DNASE2: variants seen among roughly 807,000 people sequenced by gnomAD.
DNASE2 encodes deoxyribonuclease 2, lysosomal.
A neutral mutation model predicts 29.8 loss-of-function variants in DNASE2; 26 were observed. The ratio of observed to expected loss-of-function variants is 0.87; its 90% CI spans 0.64 to 1.21. The LOEUF (loss-of-function observed/expected upper bound fraction) is 1.21, where lower values mean the gene tolerates loss of function less well. Ranked by LOEUF, DNASE2 falls within the 50% of genes most tolerant of loss-of-function variation. The probability of loss-of-function intolerance (pLI) is 0.00; values close to 1 mark genes in which losing one functional copy is unlikely to be tolerated. For synonymous variants in DNASE2, 186 were observed against 193.5 expected (o/e 0.96, Z 0.32); for missense variants, 415 against 455.6 (o/e 0.91, Z 0.81).
rs1169524311 is a variant in DNASE2 at position 12,878,353 on chromosome 19, G to A, written c.709+29C>T. ...CAGTCACCCTGTCTGCAGAGAAGGA[G>A]CTCTCCAACCCTCAACCTTGAGACT... On this transcript the variant is annotated intron_variant, in intron 5 of 5. Coordinates refer to ENST00000222219, the MANE Select transcript of DNASE2 (RefSeq NM_001375.3). 5 of 1,611,960 alleles carry A rather than the reference G, an allele frequency of 3.1e-6. No homozygotes were observed. In the South Asian group the frequency reaches 4.4e-5, roughly 14 times the overall value.
Position 12,876,374 on chromosome 19 carries a change from T to C in DNASE2, c.710-11A>G. On this transcript the variant is annotated splice_polypyrimidine_tract_variant and intron_variant, in intron 5 of 5. Coordinates refer to ENST00000222219, the MANE Select transcript of DNASE2 (RefSeq NM_001375.3). ...AGCCGGAGTACAGGTCTGCAAAGGA[T>C]GGAGAGAGGGCACAGGTAGGGTCAG... is the stretch of plus-strand genomic sequence containing the variant. The C allele has an allele frequency of 6.2e-7, 1 of 1,609,634 alleles. No homozygotes were observed. Among genetic ancestry groups the C allele is most frequent in the Non-Finnish European group, 8.5e-7 (1 of 1,179,920 alleles).
chr19:12,875,742 C>G lies in DNASE2; in HGVS notation c.*248G>C. On this transcript the variant is annotated 3_prime_UTR_variant, in exon 6 of 6. Coordinates refer to ENST00000222219, the MANE Select transcript of DNASE2 (RefSeq NM_001375.3). ...TGAAACAGAGTCTTGCTATGTGACC[C>G]AGGTTGGCGTAATCATAGTTCACTG... 1 of 381,256 alleles carries G rather than the reference C, an allele frequency of 2.6e-6. No homozygotes were observed. Among genetic ancestry groups the G allele is most frequent in the Non-Finnish European group, 4.8e-6 (1 of 208,392 alleles). 23.6% of individuals were successfully genotyped at this position (381,256 alleles called of 1,614,324 possible). A position where few individuals can be genotyped will look rare whatever the true frequency, so the allele number is the denominator to read the frequency against.
chr19:12,881,003 A>C lies in DNASE2; in HGVS notation c.236T>G (p.Leu79Arg). 3 of 1,614,044 alleles carry C rather than the reference A, an allele frequency of 1.9e-6. No individual in the cohort carries two copies. Among genetic ancestry groups the C allele is most frequent in the Non-Finnish European group, 2.5e-6 (3 of 1,180,014 alleles). ...NSPEGAVGRS[L>R]QPLYRSNTSQ... ...GGTGTTGCTCCGGTACAGCGGCTGCAGGCTTCGGCCCACGGCCCCCTCCGG... is the reference window on the plus strand; with the variant it reads ...GGTGTTGCTCCGGTACAGCGGCTGCCGGCTTCGGCCCACGGCCCCCTCCGG... Residue 79 changes from leucine (L) to arginine (R), a missense_variant, in exon 2 of 6, where the codon CTG becomes CGG. Coordinates refer to ENST00000222219, the MANE Select transcript of DNASE2 (RefSeq NM_001375.3).
Position 12,881,404 on chromosome 19 carries a change from C to A in DNASE2, c.-29G>T. 1 of 1,549,484 alleles carries A rather than the reference C, an allele frequency of 6.5e-7. No homozygotes were observed. Among genetic ancestry groups the A allele is most frequent in the South Asian group, 1.2e-5 (1 of 84,072 alleles). ...TGCTATGGGGCTGAGATCCAGGAAT[C>A]TGTGTCGGGACTGCGGGGCGCTGGG... is the stretch of plus-strand genomic sequence containing the variant. On this transcript the variant is annotated 5_prime_UTR_variant, in exon 1 of 6. Transcript: ENST00000222219.
intron 5 of DNASE2, 98 bp downstream of exon 5, chr19:12,878,284 A>G (rs1459189323): frequency 1.4e-6 from 2 of 1,479,214 alleles, no homozygotes; most frequent in African/African-American, 2.8e-5. Context: ...GCTCCCAAAC[A>G]GACCTGGTCT....
Position 12,878,688 on chromosome 19 carries a change from C to A in DNASE2, c.493G>T (p.Ala165Ser). ...QTLLCVSFPF[A>S]QFSKMGKQLT... ...GACTTACCCATCTTCGAGAACTGAG[C>A]GAAGGGAAAAGACACACAGAGCAGG... The change falls in exon 4 of 6, where the codon GCT becomes TCT. Residue 165 changes from alanine (A) to serine (S), a missense_variant. Transcript: ENST00000222219. The A allele has an allele frequency of 6.2e-7, 1 of 1,613,942 alleles. No homozygotes were observed. Among genetic ancestry groups the A allele is most frequent in the Non-Finnish European group, 8.5e-7 (1 of 1,179,990 alleles).
At chr19:12,876,513 G>A in intron 5 of DNASE2, 150 bp from the exon 6 acceptor site, 1 of 1,281,158 alleles carries the variant, frequency 7.8e-7, no homozygotes, top group Non-Finnish European at 1.0e-6. Flanking sequence ...AGGCTAGAGT[G>A]CATTGGTGCA....
chr19:12,878,721 C>G lies in DNASE2; in HGVS notation c.460G>C (p.Gly154Arg). Residue 154 changes from glycine (G) to arginine (R), a missense_variant, in exon 4 of 6, where the codon GGG becomes CGG. Coordinates refer to ENST00000222219, the MANE Select transcript of DNASE2 (RefSeq NM_001375.3). ...AAAGACACACAGAGCAGGGTCTGCC[C>G]GTAGGTACAGGCGCTATGAGGCCAG... ...YSWPHSACTYGQTLLCVSFPF... is the reference protein window; with the variant it reads ...YSWPHSACTYRQTLLCVSFPF... 1.9e-6 allele frequency: 3 copies of G among 1,614,050 alleles called. No individual in the cohort carries two copies. The highest frequency in any genetic ancestry group is 2.5e-6 in the Non-Finnish European group (3 of 1,180,002).
intron 3 of DNASE2, among the ~76,000 whole-genome samples, chr19:12,879,080 T>C (rs1970350818): frequency 6.6e-6 from 1 of 150,524 alleles, no homozygotes; most frequent in East Asian, 2.0e-4. Flanking sequence ...GAGGTGGAGG[T>C]TGCAGTGAGC....
intron 3 of DNASE2, among the ~76,000 whole-genome samples, chr19:12,880,228 T>C (rs144680670): frequency 6.6e-6 from 1 of 151,562 alleles, no homozygotes; most frequent in African/African-American, 2.4e-5. Flanking sequence ...GCTGTGATAC[T>C]GCACTCCAGC....
Position 12,881,290 on chromosome 19 carries a change from C to G in DNASE2, c.86G>C (p.Trp29Ser). Reference protein sequence around the residue: ...CYGDSGQPVDWFVVYKLPALR... With the variant: ...CYGDSGQPVDSFVVYKLPALR... ...GGTAGGCCCCCCGCTGCGCACTCAC[C>G]AGTCTACAGGCTGCCCGGAGTCCCC... Residue 29 changes from tryptophan (W) to serine (S), a missense_variant and splice_region_variant, in exon 1 of 6, where the codon TGG becomes TCG. By Grantham distance (177) the Trp-to-Ser change is radical. Transcript: ENST00000222219. 1 of 1,577,108 alleles carries G rather than the reference C, an allele frequency of 6.3e-7. No individual in the cohort carries two copies. The highest frequency in any genetic ancestry group is 8.6e-7 in the Non-Finnish European group (1 of 1,162,240).
At chr19:12,879,978 A>AC (rs1273990808) in intron 3 of DNASE2, among the ~76,000 whole-genome samples, 21 of 151,470 alleles carry the variant, frequency 1.4e-4, no homozygotes, top group Admixed American at 3.3e-4. Flanking sequence ...GGTGGCGCAC[A>AC]CCTGTAATCC....
Position 12,875,648 on chromosome 19 carries a change from C to G in DNASE2, c.*342G>C. ...ACCTCAAGTGATCTGCCCATCTCAG[C>G]CTCCCAAAGTGCTGGGGTTACAGAT... On this transcript the variant is annotated 3_prime_UTR_variant, in exon 6 of 6. Transcript: ENST00000222219. 4.0e-6 allele frequency: 1 copy of G among 249,750 alleles called. No individual in the cohort carries two copies. The highest frequency in any genetic ancestry group is 7.9e-6 in the Non-Finnish European group (1 of 126,128). The allele number at this position is 249,750 out of a possible 1,614,324, so 15.5% of individuals were successfully genotyped here.
chr19:12,879,162 G>GTAAGTAAGTAAGTAAA (rs1490597124), intron 3 of DNASE2, among the ~76,000 whole-genome samples: 3 of 145,342 alleles, frequency 2.1e-5, no homozygotes. Flanking sequence ...AAGTAAGTAA[G>GTAAGTAAGTAAGTAAA]TAAATAAATA....
In DNASE2 at chr19:12,880,889, G is replaced by T; in HGVS notation, c.268-9C>A. 1 of 1,614,180 alleles carries T rather than the reference G, an allele frequency of 6.2e-7. No individual in the cohort carries two copies. The highest frequency in any genetic ancestry group is 1.1e-5 in the South Asian group (1 of 91,084). ...TAGAGCAGGAAGGCGAGCTGCGGGC[G>T]GATAAACGGAGGCAACGTGAAATTC... On this transcript the variant is annotated splice_polypyrimidine_tract_variant and intron_variant, in intron 2 of 5. Transcript: ENST00000222219.
At position 12,878,507 on chromosome 19, in the gene DNASE2, G is replaced by A; in HGVS notation, c.584C>T (p.Pro195Leu). The change falls in exon 5 of 6, where the codon CCC becomes CTC. Residue 195 changes from proline to leucine, a missense_variant. Coordinates refer to ENST00000222219, the MANE Select transcript of DNASE2 (RefSeq NM_001375.3). ...GCCCTTGACCACATTCTCCAAGTCG[G>A]GGAATTCCTGGGCAAAGATCCCTTC... Reference protein sequence around the residue: ...QLEGIFAQEFPDLENVVKGHH... With the variant: ...QLEGIFAQEFLDLENVVKGHH... 2 of 1,614,118 alleles carry A rather than the reference G, an allele frequency of 1.2e-6. No homozygotes were observed. Among genetic ancestry groups the A allele is most frequent in the South Asian group, 2.2e-5 (2 of 91,084 alleles).
chr19:12,878,095 G>A (rs1970339873), intron 5 of DNASE2: 1 of 441,170 alleles, frequency 2.3e-6, no homozygotes, highest in Non-Finnish European at 4.2e-6. Flanking sequence ...GATTACAGGA[G>A]TGAGGCACCA....
chr19:12,881,192 G>A lies in DNASE2; in HGVS notation c.87-40C>T, dbSNP rs188695623. 3.4e-5 allele frequency: 55 copies of A among 1,611,804 alleles called. No individual in the cohort carries two copies. In the African/African-American group the frequency reaches 7.1e-4, roughly 21 times the overall value. ...ATGCACAGAAATAGGAGAGAGGGAA[G>A]AGAAGGCACCCCAGGGTTCCCCGAG... On this transcript the variant is annotated intron_variant, in intron 1 of 5. Coordinates refer to ENST00000222219, the MANE Select transcript of DNASE2 (RefSeq NM_001375.3).
chr19:12,881,260 G>A (rs1464200106), intron 1 of DNASE2, 30 bp downstream of exon 1: 1 of 1,588,672 alleles, frequency 6.3e-7, no homozygotes, highest in Non-Finnish European at 8.6e-7. Flanking sequence ...GGACCCCGGG[G>A]CGATGGTAGG....
Sources: gnomAD v4.1 joint callset for allele counts (sites outside exome capture counted in the v4.1 genomes callset) on GRCh38, gnomAD v4.1.1 for gene constraint, MANE v1.5 for transcripts, NCBI Gene and HGNC (gene_info 2026-07-23, HGNC 2026-07-21) for gene names.